The following SFSWAP variants were observed in gnomAD, a reference collection of about 807,000 sequenced individuals.
SFSWAP encodes splicing factor, suppressor of white-apricot homolog.
In SFSWAP, 17 loss-of-function variants were observed where a neutral mutation model predicts 100.7. The ratio of observed to expected loss-of-function variants is 0.17; its 90% CI spans 0.12 to 0.25. The LOEUF is 0.25. SFSWAP is among the 10% of genes least tolerant of loss of function. The pLI is 1.00. For missense variants in SFSWAP, 1,005 were observed against 1,262.6 expected, an observed-to-expected ratio of 0.80 and a Z score of 3.09; for synonymous variants, 504 against 510.1, an observed-to-expected ratio of 0.99 and a Z score of 0.16.
At chr12:131,780,853 C>T (rs542309183) in intron 14 of SFSWAP, among the ~76,000 whole-genome samples, 4 of 152,212 alleles carry the variant, frequency 2.6e-5, no homozygotes, top group African/African-American at 7.2e-5. Context: ...CTTGGGGGAC[C>T]GATCATTGTA....
rs60047663 is a variant in SFSWAP at position 131,740,966 on chromosome 12, C to CTTTTTTTTTTTT, written c.1082-12144_1082-12133dup. On this transcript the variant is annotated intron_variant, in intron 7 of 17. Transcript: ENST00000261674. The stretch of plus-strand genomic sequence containing the variant: ...TCATTTCTTTTTTTTTCTTTTTTTT[C>CTTTTTTTTTTTT]TTTTTTTTTTTTTTTTTTTTTTTTG... 1.5e-3 allele frequency among the ~76,000 whole-genome samples: 102 copies of CTTTTTTTTTTTT among 70,148 alleles called. 2 individuals are homozygous for CTTTTTTTTTTTT. The highest frequency in any genetic ancestry group is 3.7e-3 in the African/African-American group (64 of 17,128). The allele number at this position is 70,148 out of a possible 152,430, so 46.0% of individuals were successfully genotyped here. A position where few individuals can be genotyped will look rare whatever the true frequency, so the allele number is the denominator to read the frequency against.
At chr12:131,791,921 A>G (rs533564486) in intron 15 of SFSWAP, among the ~76,000 whole-genome samples, 2 of 151,916 alleles carry the variant, frequency 1.3e-5, no homozygotes, top group South Asian at 2.1e-4. Context: ...TACTGTGTGC[A>G]CCCGTGTGTG....
chr12:131,778,729 G>A lies in SFSWAP; in HGVS notation c.2408+399G>A, dbSNP rs1884227130. 6.6e-6 allele frequency among the ~76,000 whole-genome samples: 1 copy of A among 152,072 alleles called. No homozygotes were observed. The highest frequency in any genetic ancestry group is 1.5e-5 in the Non-Finnish European group (1 of 68,010). On this transcript the variant is annotated intron_variant, in intron 14 of 17. Transcript: ENST00000261674. This position sits in a 1 kb window ranked among gnomAD's most constrained non-coding sequence, Gnocchi z 4.2. ...GACGGGGTTTCACCGTGTCGGCCAG[G>A]CTGGTCTTAAACTCCTGACCTCAGG...
In SFSWAP at chr12:131,797,288, C is replaced by A; in HGVS notation, c.2645C>A (p.Pro882His). ...SKQAAPRPAA[P>H]AAHSAHSASV... ...CAGGCAGCGCCCCGGCCCGCGGCCC[C>A]CGCGGCCCACTCGGCGCACTCAGCC... is the stretch of plus-strand genomic sequence containing the variant. Residue 882 changes from proline (P) to histidine (H), a missense_variant, in exon 16 of 18, where the codon CCC (proline) becomes CAC (histidine). Pro to His is a moderately conservative substitution (Grantham distance 77). Around this residue, in one of 7 missense-constraint regions of SFSWAP, gnomAD observed 295 missense variants for 347.9 expected, o/e 0.85. Transcript: ENST00000261674. 1 of 1,611,666 alleles carries A rather than the reference C, an allele frequency of 6.2e-7. No homozygotes were observed. Among genetic ancestry groups the A allele is most frequent in the Non-Finnish European group, 8.5e-7 (1 of 1,179,174 alleles).
chr12:131,727,467 G>A (rs1219946206), intron 6 of SFSWAP, among the ~76,000 whole-genome samples: 2 of 152,118 alleles, frequency 1.3e-5, no homozygotes, highest in East Asian at 3.9e-4. Flanking sequence ...CCAGCATGGC[G>A]AAACCCTATC....
chr12:131,784,982 T>C, intron 14 of SFSWAP: 1 of 1,074,012 alleles, frequency 9.3e-7, no homozygotes, highest in South Asian at 1.9e-5. Flanking sequence ...CCGCTATAGC[T>C]TTGAATAAGC....
At chr12:131,775,455 A>C (rs1474881484) in intron 13 of SFSWAP, among the ~76,000 whole-genome samples, 1 of 152,150 alleles carries the variant, frequency 6.6e-6, no homozygotes, top group African/African-American at 2.4e-5. Context: ...CTCCTGATGT[A>C]GAGGCCGTGG....
At chr12:131,799,252 G>A (rs1242697403) in intron 17 of SFSWAP, 143 bp downstream of exon 17, 16 of 1,009,838 alleles carry the variant, frequency 1.6e-5, no homozygotes, top group Non-Finnish European at 2.5e-5. Flanking sequence ...CTCTGGGTGA[G>A]GCCGAGGGCA....
intron 14 of SFSWAP, among the ~76,000 whole-genome samples, chr12:131,779,306 G>A (rs1469745374): frequency 6.6e-6 from 1 of 151,624 alleles, no homozygotes; most frequent in Non-Finnish European, 1.5e-5. Flanking sequence ...TGTGAAGAGG[G>A]CGGCGCTGGT....
chr12:131,755,528 G>A lies in SFSWAP; in HGVS notation c.1548+49G>A, dbSNP rs59186863. 3.3e-3 allele frequency: 4,370 copies of A among 1,337,698 alleles called. 98 individuals are homozygous for A. The African/African-American group carries it at 0.052, about 16-fold the overall frequency. The allele number at this position is 1,337,698 out of a possible 1,614,324, so 82.9% of individuals were successfully genotyped here. ...CTGTGAAGCTCTTAGAGGTGGCTCCGCCTTCCAGATCAGAAGTCGCTTTCT... is the reference window on the plus strand; with the variant it reads ...CTGTGAAGCTCTTAGAGGTGGCTCCACCTTCCAGATCAGAAGTCGCTTTCT... On this transcript the variant is annotated intron_variant, in intron 10 of 17. Coordinates refer to ENST00000261674, the MANE Select transcript of SFSWAP (RefSeq NM_004592.4).
chr12:131,795,964 C>G (rs12831938), intron 15 of SFSWAP, among the ~76,000 whole-genome samples: 1 of 111,050 alleles, frequency 9.0e-6, no homozygotes, highest in Admixed American at 1.0e-4. Flanking sequence ...GCAAGCAGGA[C>G]GGGAGGGGAG....
At chr12:131,760,287 A>G (rs146977155) in intron 11 of SFSWAP, among the ~76,000 whole-genome samples, 257 of 152,352 alleles carry the variant, frequency 1.7e-3, no homozygotes, top group Non-Finnish European at 3.2e-3. Flanking sequence ...ATACATAAAA[A>G]TAAAGGTTAA....
chr12:131,756,310 GA>G (rs1882151913), intron 10 of SFSWAP, among the ~76,000 whole-genome samples, 162 bp from the exon 11 acceptor site: 1 of 152,224 alleles, frequency 6.6e-6, no homozygotes. Context: ...TCCATTGTAA[GA>G]AAAAACAGCA....
intron 15 of SFSWAP, among the ~76,000 whole-genome samples, chr12:131,792,534 T>C (rs1192253511): frequency 1.3e-5 from 2 of 151,006 alleles, no homozygotes; most frequent in Non-Finnish European, 1.5e-5. Context: ...CACAGATCAG[T>C]ACTGTGTGTG....
intron 14 of SFSWAP, among the ~76,000 whole-genome samples, chr12:131,781,608 A>G (rs1884512544): frequency 6.6e-6 from 1 of 152,226 alleles, no homozygotes; most frequent in South Asian, 2.1e-4. Context: ...TGTAACTTTC[A>G]GTTAAAAGAA....
Position 131,714,862 on chromosome 12 carries a change from TG to T in SFSWAP, c.432del (p.Ser145AlafsTer37). 6.2e-7 allele frequency: 1 copy of T among 1,614,110 alleles called. No individual in the cohort carries two copies. The highest frequency in any genetic ancestry group is 8.5e-7 in the Non-Finnish European group (1 of 1,179,954). ...KRLSEALAED[G>X]SYNAVGFTYG... Reference sequence around the variant, plus strand: ...GATTGAGTGAAGCACTAGCAGAGGATGGGAGCTACAATGCCGTGGGGTTCAC... The same window carrying T: ...GATTGAGTGAAGCACTAGCAGAGGATGGAGCTACAATGCCGTGGGGTTCAC... On this transcript the variant is annotated frameshift_variant, in exon 3 of 18. Transcript: ENST00000261674. LOFTEE classifies it high-confidence loss of function. This position sits in a 1 kb window ranked among gnomAD's most constrained non-coding sequence, Gnocchi z 6.0.
chr12:131,786,603 G>T lies in SFSWAP; in HGVS notation c.2534+15G>T. The T allele has an allele frequency of 2.5e-6, 4 of 1,581,878 alleles. No individual in the cohort carries two copies. The highest frequency in any genetic ancestry group is 3.4e-6 in the Non-Finnish European group (4 of 1,165,460). ...ACCCGCTCCAGGTAGGCCACTGGGT[G>T]TGCACGCAGGTGCTGGATGTGGGCC... On this transcript the variant is annotated intron_variant, in intron 15 of 17. Coordinates refer to ENST00000261674, the MANE Select transcript of SFSWAP (RefSeq NM_004592.4).
rs139091526 is a variant in SFSWAP, at chr12:131,756,545, G to C, written c.1621G>C (p.Ala541Pro). The C allele has an allele frequency of 3.7e-6, 6 of 1,614,022 alleles. No individual in the cohort carries two copies. The highest frequency in any genetic ancestry group is 5.1e-6 in the Non-Finnish European group (6 of 1,179,980). The change falls in exon 11 of 18, where the codon GCG (alanine) becomes CCG (proline). Residue 541 changes from alanine to proline, a missense_variant. By Grantham distance (27) the Ala-to-Pro change is conservative. Around this residue, in one of 7 missense-constraint regions of SFSWAP, gnomAD observed 311 missense variants for 317.8 expected, o/e 0.98. Coordinates refer to ENST00000261674, the MANE Select transcript of SFSWAP (RefSeq NM_004592.4). Reference protein sequence around the residue: ...EKPSDAGEDGAPEDAAEVGAR... With the variant: ...EKPSDAGEDGPPEDAAEVGAR... ...GCCAAGTGATGCTGGGGAGGATGGC[G>C]CGCCTGAAGACGCAGCCGAGGTGGG...
At chr12:131,722,398 C>T (rs1182163283) in intron 4 of SFSWAP, among the ~76,000 whole-genome samples, 1 of 151,884 alleles carries the variant, frequency 6.6e-6, no homozygotes, top group Admixed American at 6.6e-5. Context: ...CCTGTCTCTA[C>T]AAACAAGTAA....
Sources: allele counts gnomAD v4.1 joint callset (sites outside exome capture counted in the v4.1 genomes callset), GRCh38; gene constraint gnomAD v4.1.1; regional missense constraint gnomAD v4.1.1; non-coding constraint Gnocchi (gnomAD v3.1); transcripts MANE v1.5; gene names NCBI Gene and HGNC (gene_info 2026-07-23, HGNC 2026-07-21).